HNF4G: variants seen among roughly 807,000 people sequenced by gnomAD.
HNF4G encodes hepatocyte nuclear factor 4-gamma.
HNF4G carries 21 observed loss-of-function variants against 50.9 expected under a neutral mutation model. That is an observed-to-expected ratio of 0.41 (90% CI 0.29 to 0.59). The LOEUF (loss-of-function observed/expected upper bound fraction) is 0.59, where lower values mean the gene tolerates loss of function less well. Ranked by LOEUF, HNF4G falls within the 20% of genes least tolerant of loss-of-function variation. The pLI is 0.26. For missense variants in HNF4G, 527 were observed against 559.4 expected, an observed-to-expected ratio of 0.94 and a Z score of 0.58; for synonymous variants, 198 against 185.6, an observed-to-expected ratio of 1.07 and a Z score of -0.54.
Position 75,547,688 on chromosome 8 carries a change from A to G in HNF4G, c.382+7A>G. On this transcript the variant is annotated splice_region_variant and intron_variant, in intron 3 of 9. Transcript: ENST00000396423. ...GCGGGAATGAAAAAAGAAGGTAATA[A>G]TAATGATGATGATAATTAACATTAT... The G allele has an allele frequency of 7.0e-7, 1 of 1,432,250 alleles. No homozygotes were observed. The highest frequency in any genetic ancestry group is 9.9e-7 in the Non-Finnish European group (1 of 1,014,412). The allele number at this position is 1,432,250 out of a possible 1,614,324, so 88.7% of individuals were successfully genotyped here. A position where few individuals can be genotyped will look rare whatever the true frequency, so the allele number is the denominator to read the frequency against.
chr8:75,526,256 G>A (rs969373895), intron 2 of HNF4G, among the ~76,000 whole-genome samples: 1 of 151,702 alleles, frequency 6.6e-6, no homozygotes, highest in Non-Finnish European at 1.5e-5. Flanking sequence ...AACCTCCCGA[G>A]TAGCTGTGAC....
intron 1 of HNF4G, among the ~76,000 whole-genome samples, chr8:75,420,721 C>T (rs1400946288): frequency 6.6e-6 from 1 of 152,148 alleles, no homozygotes; most frequent in African/African-American, 2.4e-5. Context: ...TTGGAGATAA[C>T]TGAGTAGACC....
chr8:75,452,612 G>T (rs1004417223), intron 1 of HNF4G, among the ~76,000 whole-genome samples: 32 of 151,566 alleles, frequency 2.1e-4, no homozygotes, highest in African/African-American at 7.8e-4. Context: ...CCAGCTACTT[G>T]GGAGGCTGAG....
chr8:75,427,867 G>T (rs893435682), intron 1 of HNF4G, among the ~76,000 whole-genome samples: 4 of 152,018 alleles, frequency 2.6e-5, no homozygotes, highest in Non-Finnish European at 2.9e-5. Context: ...AACCCTGAAG[G>T]TTTGTGTAGC....
intron 1 of HNF4G, among the ~76,000 whole-genome samples, chr8:75,469,153 A>G (rs1247531775): frequency 6.6e-6 from 1 of 152,140 alleles, no homozygotes; most frequent in Non-Finnish European, 1.5e-5. Flanking sequence ...ATATTGGAAA[A>G]TCTTTTTTTT....
At chr8:75,449,334 A>G (rs1811519507) in intron 1 of HNF4G, among the ~76,000 whole-genome samples, 1 of 152,078 alleles carries the variant, frequency 6.6e-6, no homozygotes, top group Non-Finnish European at 1.5e-5. Flanking sequence ...TAAACAACAC[A>G]TAAACAAATG....
chr8:75,511,755 T>C (rs1805757752), intron 2 of HNF4G, among the ~76,000 whole-genome samples: 1 of 152,150 alleles, frequency 6.6e-6, no homozygotes. Context: ...TGCGCCCGGC[T>C]AATTTTTTGT....
chr8:75,432,932 C>A (rs1262614186), intron 1 of HNF4G, among the ~76,000 whole-genome samples: 1 of 152,182 alleles, frequency 6.6e-6, no homozygotes, highest in African/African-American at 2.4e-5. Flanking sequence ...TGAATTGAAG[C>A]TTCAAAAGAC....
intron 2 of HNF4G, among the ~76,000 whole-genome samples, chr8:75,526,462 C>T (rs1057204596): frequency 6.6e-6 from 1 of 152,112 alleles, no homozygotes; most frequent in Non-Finnish European, 1.5e-5. Context: ...AGGCAATGAG[C>T]AATGCTCTTC....
Position 75,428,864 on chromosome 8 carries a change from A to G in HNF4G, c.-144+20702A>G, listed in dbSNP as rs560412294. On this transcript the variant is annotated intron_variant, in intron 1 of 10. Coordinates refer to the HNF4G transcript ENST00000354370. ...AGGGAGATGGGGTAAACAGATTCACATTTTGAATATATTATTCTGGTGGCA... is the reference window on the plus strand; with the variant it reads ...AGGGAGATGGGGTAAACAGATTCACGTTTTGAATATATTATTCTGGTGGCA... 2.2e-4 allele frequency among the ~76,000 whole-genome samples: 34 copies of G among 152,282 alleles called. No homozygotes were observed. In the South Asian group the frequency reaches 6.2e-3, roughly 28 times the overall value.
chr8:75,472,977 G>T (rs575276085), intron 1 of HNF4G, among the ~76,000 whole-genome samples: 1 of 152,274 alleles, frequency 6.6e-6, no homozygotes, highest in Non-Finnish European at 1.5e-5. Context: ...GGTCTTCATT[G>T]TTGGGCAATG....
At chr8:75,434,587 CAAT>C (rs1811093792) in intron 1 of HNF4G, among the ~76,000 whole-genome samples, 1 of 151,564 alleles carries the variant, frequency 6.6e-6, no homozygotes, top group Non-Finnish European at 1.5e-5. Context: ...AACAATAATA[CAAT>C]AGCGAATGAA....
chr8:75,444,899 G>A lies in HNF4G; in HGVS notation c.-144+36737G>A, dbSNP rs1183046347. Among the ~76,000 whole-genome samples the A allele has an allele frequency of 6.4e-3, 792 of 124,012 alleles. 2 individuals carry two copies. The highest frequency in any genetic ancestry group is 0.046 in the Middle Eastern group (12 of 260). The allele number at this position is 124,012 out of a possible 152,430, so 81.4% of individuals were successfully genotyped here. A position where few individuals can be genotyped will look rare whatever the true frequency, so the allele number is the denominator to read the frequency against. On this transcript the variant is annotated intron_variant, in intron 1 of 10. Coordinates refer to the HNF4G transcript ENST00000354370. ...ACAGAAAGTCAACAAGGATACCCAG[G>A]AATTGAACTCAGCTCTGCACCAAGC...
chr8:75,430,483 AGAGAGAGAGAGAGAGAGAGG>A (rs918155599), intron 1 of HNF4G, among the ~76,000 whole-genome samples: 11 of 150,020 alleles, frequency 7.3e-5, no homozygotes, highest in African/African-American at 2.5e-4. Flanking sequence ...GTAGAGAGAG[AGAGAGAGAGAGAGAGAGAGG>A]GAGAGAGAGA....
intron 1 of HNF4G, among the ~76,000 whole-genome samples, chr8:75,427,932 A>G (rs1003347872): frequency 2.9e-4 from 44 of 152,192 alleles, no homozygotes; most frequent in African/African-American, 1.0e-3. Flanking sequence ...AAAGTCTGGC[A>G]CATGAATAAG....
At chr8:75,475,144 A>C (rs1212548360) in intron 1 of HNF4G, among the ~76,000 whole-genome samples, 1 of 151,468 alleles carries the variant, frequency 6.6e-6, no homozygotes, top group Middle Eastern at 3.2e-3. Context: ...CGAGTAGCTG[A>C]GACTACTGGT....
chr8:75,513,709 C>A (rs922590286), intron 2 of HNF4G, among the ~76,000 whole-genome samples: 1 of 151,858 alleles, frequency 6.6e-6, no homozygotes, highest in African/African-American at 2.4e-5. Flanking sequence ...AAATTTTTCT[C>A]CAACTATAGT....
At chr8:75,423,027 T>C (rs543390688) in intron 1 of HNF4G, among the ~76,000 whole-genome samples, 7 of 152,290 alleles carry the variant, frequency 4.6e-5, no homozygotes, top group East Asian at 3.9e-4. Flanking sequence ...CTGGGCTTAA[T>C]TGCAATATTA....
At chr8:75,444,926 G>C (rs1165290777) in intron 1 of HNF4G, among the ~76,000 whole-genome samples, 191 of 137,808 alleles carry the variant, frequency 1.4e-3, no homozygotes, top group Non-Finnish European at 2.3e-3. Flanking sequence ...GCACCAAGCG[G>C]ACCTAATAGA....
Sources: allele counts gnomAD v4.1 joint callset (sites outside exome capture counted in the v4.1 genomes callset), GRCh38; gene constraint gnomAD v4.1.1; transcripts MANE v1.5; gene names NCBI Gene and HGNC (gene_info 2026-07-23, HGNC 2026-07-21).